The following TRIM61 variants were observed in gnomAD, a reference collection of about 807,000 sequenced individuals.
TRIM61 encodes putative tripartite motif-containing protein 61.
In TRIM61, 1 loss-of-function variant was observed where a neutral mutation model predicts 14.2. The ratio of observed to expected loss-of-function variants is 0.07; its 90% CI spans 0.03 to 0.33. TRIM61 has a LOEUF of 0.33. TRIM61 is among the 10% of genes least tolerant of loss of function. The probability of loss-of-function intolerance (pLI) is 0.99; values close to 1 mark genes in which losing one functional copy is unlikely to be tolerated. For missense variants in TRIM61, 19 were observed against 202.2 expected (o/e 0.09, Z 5.49); for synonymous variants, 8 against 71.6 (o/e 0.11, Z 4.49).
chr4:164,965,545 T>C (rs1732221827), intron 3 of TRIM61, among the ~76,000 whole-genome samples: 1 of 149,790 alleles, frequency 6.7e-6, no homozygotes, highest in Admixed American at 6.7e-5. Context: ...GTGATTCTCC[T>C]GCCTCAGCCT....
At chr4:164,963,999 TTATAA>T (rs1732188409) in intron 3 of TRIM61, among the ~76,000 whole-genome samples, 1 of 151,852 alleles carries the variant, frequency 6.6e-6, no homozygotes, top group Non-Finnish European at 1.5e-5. Context: ...AGAATTAAAT[TTATAA>T]TATATTAGAA....
chr4:164,960,733 C>T (rs1358943957), intron 3 of TRIM61, among the ~76,000 whole-genome samples: 3 of 151,824 alleles, frequency 2.0e-5, no homozygotes, highest in Admixed American at 6.6e-5. Context: ...GGCAGATCAC[C>T]TGAGGTCAGG....
intron 3 of TRIM61, chr4:164,957,481 C>T (rs1732037491): frequency 1.2e-6 from 2 of 1,612,834 alleles, no homozygotes; most frequent in African/African-American, 2.7e-5. Flanking sequence ...TCCCGCTGGG[C>T]TCACCTGTCC....
chr4:164,962,797 C>G (rs892069703), intron 3 of TRIM61, among the ~76,000 whole-genome samples: 11 of 151,396 alleles, frequency 7.3e-5, no homozygotes, highest in African/African-American at 2.7e-4. Flanking sequence ...AAGGTAATTG[C>G]TGTAAAAGAT....
At chr4:164,965,690 C>T (rs189006113) in intron 3 of TRIM61, among the ~76,000 whole-genome samples, 94 of 152,146 alleles carry the variant, frequency 6.2e-4, no homozygotes, top group African/African-American at 2.0e-3. Flanking sequence ...GCCTCAGCCT[C>T]CCAAAGTGTT....
intron 3 of TRIM61, chr4:164,968,679 T>G: frequency 1.0e-6 from 1 of 985,274 alleles, no homozygotes; most frequent in African/African-American, 1.7e-5. Context: ...AAATTATCAT[T>G]AAAAGTATAG....
chr4:164,956,983 G>A (rs1340568247), intron 3 of TRIM61: 1 of 1,450,996 alleles, frequency 6.9e-7, no homozygotes, highest in East Asian at 2.5e-5. Context: ...AAGGTGTGGC[G>A]CGACGTTGGA....
chr4:164,965,044 T>C (rs977315510), intron 3 of TRIM61, among the ~76,000 whole-genome samples: 3 of 152,162 alleles, frequency 2.0e-5, no homozygotes, highest in African/African-American at 4.8e-5. Context: ...TCCCAGCACA[T>C]TGGGAGGCTG....
intron 2 of TRIM61, among the ~76,000 whole-genome samples, chr4:164,974,960 C>T (rs1038201238): frequency 2.0e-5 from 3 of 151,630 alleles, no homozygotes; most frequent in African/African-American, 4.9e-5. Context: ...CAGCCACGCA[C>T]GGTGGCTCAC....
chr4:164,974,639 G>A (rs1441459793), intron 2 of TRIM61, among the ~76,000 whole-genome samples: 1 of 152,116 alleles, frequency 6.6e-6, no homozygotes, highest in African/African-American at 2.4e-5. Flanking sequence ...CAGAACTTTG[G>A]GAGGCCAAGC....
intron 3 of TRIM61, chr4:164,968,681 A>G (rs1732294855): frequency 3.0e-6 from 3 of 985,230 alleles, no homozygotes; most frequent in Non-Finnish European, 3.6e-6. Context: ...ATTATCATTA[A>G]AAGTATAGAG....
In TRIM61 at chr4:164,969,991, A is replaced by G. The variant is rs749974766; in HGVS notation, c.12T>C (p.Val4=). Residue 4 remains valine, a synonymous_variant, in exon 3 of 5, where the codon GTT becomes GTC. Transcript: ENST00000329314. Reference sequence around the variant, plus strand: ...CTGCTCGGAGGTCAGCCAGGGCCGTAACAAATTCCATTGAGACTTGAACAA... The same window carrying G: ...CTGCTCGGAGGTCAGCCAGGGCCGTGACAAATTCCATTGAGACTTGAACAA... 8 of 1,613,836 alleles carry G rather than the reference A, an allele frequency of 5.0e-6. No homozygotes were observed. The highest frequency in any genetic ancestry group is 1.1e-5 in the South Asian group (1 of 91,074).
In TRIM61 at chr4:164,976,765, G is replaced by C. The variant is rs1477289081; in HGVS notation, c.-415C>G. The C allele has an allele frequency of 2.6e-5, 4 of 152,174 alleles. No homozygotes were observed. Among genetic ancestry groups the C allele is most frequent in the Admixed American group, 2.0e-4 (3 of 15,274 alleles). The allele number at this position is 152,174 out of a possible 1,614,324, so 9.4% of individuals were successfully genotyped here. On this transcript the variant is annotated 5_prime_UTR_variant, in exon 2 of 5. Transcript: ENST00000329314. ...CCCAGTTTCTGACTCAGTAGGGCTGGTTTTTTCCTAAGTTCCCAGATGATG... is the reference window on the plus strand; with the variant it reads ...CCCAGTTTCTGACTCAGTAGGGCTGCTTTTTTCCTAAGTTCCCAGATGATG...
chr4:164,973,306 G>C (rs151059878), intron 2 of TRIM61, among the ~76,000 whole-genome samples: 1 of 152,152 alleles, frequency 6.6e-6, no homozygotes, highest in Non-Finnish European at 1.5e-5. Context: ...CCAACATTAC[G>C]CTAATTGGCA....
intron 3 of TRIM61, among the ~76,000 whole-genome samples, chr4:164,963,755 A>G (rs1732183904): frequency 6.6e-6 from 1 of 151,928 alleles, no homozygotes; most frequent in Non-Finnish European, 1.5e-5. Context: ...AAAAAAAAAA[A>G]AAAAAAGAAA....
chr4:164,973,312 T>C (rs569454307), intron 2 of TRIM61, among the ~76,000 whole-genome samples: 2 of 152,346 alleles, frequency 1.3e-5, no homozygotes, highest in East Asian at 3.9e-4. Context: ...TTACGCTAAT[T>C]GGCATAACCA....
chr4:164,967,182 C>G (rs1468231982), intron 3 of TRIM61, among the ~76,000 whole-genome samples: 2 of 152,120 alleles, frequency 1.3e-5, no homozygotes, highest in African/African-American at 4.8e-5. Flanking sequence ...ACAAATCTGA[C>G]AAAACATGTT....
intron 2 of TRIM61, among the ~76,000 whole-genome samples, chr4:164,971,694 CTT>C (rs545749849): frequency 1.8e-3 from 272 of 152,182 alleles, no homozygotes; most frequent in African/African-American, 6.4e-3. Flanking sequence ...CCCTTTCAAT[CTT>C]TCTGTAAGTT....
At chr4:164,957,201 T>G in intron 3 of TRIM61, 1 of 1,613,854 alleles carries the variant, frequency 6.2e-7, no homozygotes, top group South Asian at 1.1e-5. Flanking sequence ...GTCTCTTTGC[T>G]CAGACATCCA....
Sources: gnomAD v4.1 joint callset for allele counts (sites outside exome capture counted in the v4.1 genomes callset) on GRCh38, gnomAD v4.1.1 for gene constraint, MANE v1.5 for transcripts, NCBI Gene and HGNC (gene_info 2026-07-23, HGNC 2026-07-21) for gene names.